Variants in CD99 observed in about 807,000 individuals in gnomAD.
CD99 encodes the protein CD99 molecule (Xg blood group), also known as CD99 antigen.
A neutral mutation model predicts 28.4 loss-of-function variants in CD99; 19 were observed. The ratio of observed to expected loss-of-function variants is 0.67; its 90% confidence interval spans 0.47 to 0.98. CD99 has a LOEUF of 0.98. CD99 is among the 50% of genes least tolerant of loss of function. CD99 has a pLI of 0.00. For missense variants in CD99, 283 were observed against 248.8 expected (o/e 1.14, Z -0.92); for synonymous variants, 103 against 92.1 (o/e 1.12, Z -0.67).
At chrX:2,728,200 C>CTTTT (rs892410632) in intron 8 of CD99, among the ~76,000 whole-genome samples, 29 of 106,966 alleles carry the variant, frequency 2.7e-4, no homozygotes, top group African/African-American at 5.5e-4. Flanking sequence ...TTGGTTGTTT[C>CTTTT]TTTTTTTTTT....
Position 2,740,999 on chromosome X carries a change from A to G in CD99, c.*195A>G, listed in dbSNP as rs753961563. 1.3e-5 allele frequency: 9 copies of G among 676,024 alleles called. No individual in the cohort carries two copies. The East Asian group carries it at 2.4e-4, about 18-fold the overall frequency. The allele number at this position is 676,024 out of a possible 1,614,324, so 41.9% of individuals were successfully genotyped here. On this transcript the variant is annotated 3_prime_UTR_variant, in exon 10 of 10. Coordinates refer to ENST00000381192, the MANE Select transcript of CD99 (RefSeq NM_002414.5). The stretch of plus-strand genomic sequence containing the variant: ...TTTACTAACGATGAATTTTACATCC[A>G]AAGGGGGATAGGCACTTGGACCCCC...
intron 9 of CD99, among the ~76,000 whole-genome samples, chrX:2,739,293 G>A (rs1385179345): frequency 6.6e-6 from 1 of 151,912 alleles, no homozygotes; most frequent in African/African-American, 2.4e-5. Context: ...TTTTGAAAAT[G>A]GCAAGAAAAA....
chrX:2,695,992 G>A (rs2047557670), intron 1 of CD99, among the ~76,000 whole-genome samples: 1 of 152,112 alleles, frequency 6.6e-6, no homozygotes, highest in Non-Finnish European at 1.5e-5. Context: ...ACCAAAGACA[G>A]GGAAAAACAA....
chrX:2,711,284 A>G (rs1434855132), intron 1 of CD99, among the ~76,000 whole-genome samples: 3 of 148,094 alleles, frequency 2.0e-5, no homozygotes, highest in South Asian at 4.2e-4. Flanking sequence ...ATTCGTATAT[A>G]TAGTATGTAT....
At position 2,691,840 on chromosome X, in the gene CD99, C is replaced by A. The variant is rs372258104; in HGVS notation, c.67+413C>A. On this transcript the variant is annotated intron_variant, in intron 1 of 9. Coordinates refer to ENST00000381192, the MANE Select transcript of CD99 (RefSeq NM_002414.5). ...CGCGCGGAGGCCGCCCTGGAGTTGC[C>A]TGTCACAGCCACGCCCTGCGTCCCG... 1.7e-3 allele frequency: 1,325 copies of A among 777,958 alleles called. 15 individuals carry two copies. The African/African-American group carries it at 0.019, about 11-fold the overall frequency. The allele number at this position is 777,958 out of a possible 1,614,324, so 48.2% of individuals were successfully genotyped here.
chrX:2,713,534 G>T (rs1387233424), intron 1 of CD99, among the ~76,000 whole-genome samples: 1 of 152,056 alleles, frequency 6.6e-6, no homozygotes, highest in Non-Finnish European at 1.5e-5. Flanking sequence ...AAATATACAT[G>T]CACACTCACA....
chrX:2,733,068 GCCTTCCTCCCTT>G (rs1036002529), intron 8 of CD99, among the ~76,000 whole-genome samples: 3 of 137,924 alleles, frequency 2.2e-5, no homozygotes, highest in African/African-American at 5.6e-5. Context: ...CCCTCTTTCT[GCCTTCCTCCCTT>G]CCTTCCTCCC....
rs1156431464 is a variant in CD99 at position 2,737,871 on chromosome X, T to C, written c.476-329T>C. ...TTTCACAGATGCACGTACTTTTTTT[T>C]TTTTTATAGAAAGAGCTTCCATGTG... On this transcript the variant is annotated intron_variant, in intron 8 of 9. Coordinates refer to ENST00000381192, the MANE Select transcript of CD99 (RefSeq NM_002414.5). 4 of 486,714 alleles carry C rather than the reference T, an allele frequency of 8.2e-6. No homozygotes were observed. In the Admixed American group the frequency reaches 1.3e-4, roughly 16 times the overall value. The allele number at this position is 486,714 out of a possible 1,614,324, so 30.1% of individuals were successfully genotyped here. A position where few individuals can be genotyped will look rare whatever the true frequency, so the allele number is the denominator to read the frequency against.
At chrX:2,728,238 T>C (rs1431283704) in intron 8 of CD99, among the ~76,000 whole-genome samples, 2 of 138,476 alleles carry the variant, frequency 1.4e-5, no homozygotes, top group Admixed American at 7.6e-5. Flanking sequence ...GGAGTCTCAC[T>C]CTGTCACCCA....
At chrX:2,730,714 T>G (rs1158450502) in intron 8 of CD99, among the ~76,000 whole-genome samples, 6 of 151,298 alleles carry the variant, frequency 4.0e-5, no homozygotes, top group Non-Finnish European at 8.8e-5. Context: ...AAAAAGAAAA[T>G]AAAATAAAGT....
At chrX:2,695,438 TGG>T (rs377349231) in intron 1 of CD99, among the ~76,000 whole-genome samples, 37 of 151,884 alleles carry the variant, frequency 2.4e-4, no homozygotes, top group African/African-American at 8.7e-4. Context: ...TTTTTTGAGG[TGG>T]GGTCTCTGTT....
intron 9 of CD99, among the ~76,000 whole-genome samples, chrX:2,738,859 G>A (rs1177650979): frequency 6.6e-6 from 1 of 150,902 alleles, no homozygotes; most frequent in African/African-American, 2.4e-5. Flanking sequence ...CTTTTTTTTT[G>A]TTGTTAGAGA....
intron 8 of CD99, among the ~76,000 whole-genome samples, chrX:2,732,645 TTC>T (rs1413986738): frequency 6.6e-6 from 1 of 150,498 alleles, no homozygotes; most frequent in Admixed American, 6.6e-5. Context: ...CTTTTCCTTT[TTC>T]TCTCTTCCTT....
chrX:2,719,498 A>G, intron 3 of CD99, 163 bp from the exon 4 acceptor site: 1 of 684,806 alleles, frequency 1.5e-6, no homozygotes, highest in South Asian at 1.8e-5. Context: ...TGATGTAAAA[A>G]TGGTCAGGAA....
chrX:2,727,842 C>T (rs1187370282), intron 8 of CD99, among the ~76,000 whole-genome samples: 2 of 152,162 alleles, frequency 1.3e-5, no homozygotes, highest in African/African-American at 4.8e-5. Flanking sequence ...GAACTTCTCA[C>T]CCTACTTAGA....
intron 8 of CD99, among the ~76,000 whole-genome samples, chrX:2,736,201 CAAAA>C (rs748847590): frequency 7.5e-4 from 60 of 80,388 alleles, no homozygotes; most frequent in Admixed American, 5.9e-4. Flanking sequence ...GACTCTGTCT[CAAAA>C]AAAAAAAAAA....
At position 2,712,562 on chromosome X, in the gene CD99, G is replaced by A. The variant is rs950097361; in HGVS notation, c.68-1860G>A. 2.1e-4 allele frequency among the ~76,000 whole-genome samples: 32 copies of A among 152,126 alleles called. No homozygotes were observed. In the East Asian group the frequency reaches 2.9e-3, roughly 14 times the overall value. On this transcript the variant is annotated intron_variant, in intron 1 of 9. Coordinates refer to ENST00000381192, the MANE Select transcript of CD99 (RefSeq NM_002414.5). ...ATCAGTAGGATCCTCCCTTGCTACC[G>A]TCTAAAGATCTGCCGCATGCTGCAG...
rs1266023501 is a variant in CD99 at position 2,697,154 on chromosome X, C to G, written c.67+5727C>G. Among the ~76,000 whole-genome samples the G allele has an allele frequency of 5.3e-5, 8 of 152,072 alleles. No individual in the cohort carries two copies. In the East Asian group the frequency reaches 1.5e-3, roughly 29 times the overall value. On this transcript the variant is annotated intron_variant, in intron 1 of 9. Transcript: ENST00000381192. ...AAAGCTTTTGTTCCGCTCCCTCTGT[C>G]CCGGTGGGCTGGGCTGAGATATAAT...
At chrX:2,734,717 T>A (rs1319921864) in intron 8 of CD99, among the ~76,000 whole-genome samples, 1 of 151,764 alleles carries the variant, frequency 6.6e-6, no homozygotes, top group Non-Finnish European at 1.5e-5. Flanking sequence ...TTTTTTACTT[T>A]TATTTCTTCT....
Sources: allele counts gnomAD v4.1 joint callset (sites outside exome capture counted in the v4.1 genomes callset), GRCh38; gene constraint gnomAD v4.1.1; transcripts MANE v1.5; gene names NCBI Gene and HGNC (gene_info 2026-07-23, HGNC 2026-07-21).